The following RAPGEF6 variants were observed in gnomAD, a reference collection of about 807,000 sequenced individuals.
RAPGEF6 encodes PDZ domain containing guanine nucleotide exchange factor (GEF) 2.
RAPGEF6 carries 56 observed loss-of-function variants against 171.4 expected under a neutral mutation model. The observed-to-expected ratio is 0.33, with a 90% CI of 0.26 to 0.41. The LOEUF (loss-of-function observed/expected upper bound fraction) is 0.41, where lower values mean the gene tolerates loss of function less well. Among genes scored for constraint, RAPGEF6 ranks in the 10% least tolerant of loss-of-function variants. RAPGEF6 has a pLI of 1.00. For synonymous variants in RAPGEF6, 692 were observed against 650.1 expected, an observed-to-expected ratio of 1.06 and a Z score of -0.98; for missense variants, 1,674 against 1,921.4, an observed-to-expected ratio of 0.87 and a Z score of 2.41.
chr5:131,504,770 G>A lies in RAPGEF6; in HGVS notation c.1110C>T (p.Cys370=). 2 of 1,611,030 alleles carry A rather than the reference G, an allele frequency of 1.2e-6. No individual in the cohort carries two copies. The highest frequency in any genetic ancestry group is 8.5e-7 in the Non-Finnish European group (1 of 1,178,654). Residue 370 remains cysteine, a synonymous_variant, in exon 11 of 28, where the codon TGC becomes TGT. Transcript: ENST00000509018. ...TTCTCCAATAATCTTGCTGGGCTATGCAGACAAACTGTCCAAGAACAACAT... is the reference window on the plus strand; with the variant it reads ...TTCTCCAATAATCTTGCTGGGCTATACAGACAAACTGTCCAAGAACAACAT... ...RTKVDDCQFV[C]IAQQDYWRIL...
Position 131,455,892 on chromosome 5 carries a change from C to T in RAPGEF6, c.2985G>A (p.Lys995=), listed in dbSNP as rs1490887555. The T allele has an allele frequency of 2.5e-6, 4 of 1,613,884 alleles. No individual in the cohort carries two copies. Among genetic ancestry groups the T allele is most frequent in the Admixed American group, 3.3e-5 (2 of 60,020 alleles). Residue 995 remains lysine, a synonymous_variant, in exon 20 of 28, where the codon AAG becomes AAA. Coordinates refer to ENST00000509018, the MANE Select transcript of RAPGEF6 (RefSeq NM_016340.6). ...DIFDPSRNMA[K]YRNILSSQSM... is the part of the protein sequence containing the mutation. Reference sequence around the variant, plus strand: ...TTTGACTACTAAGAATATTTCTATACTTTGCCATGTTTCTAGATGGATCAA... The same window carrying T: ...TTTGACTACTAAGAATATTTCTATATTTTGCCATGTTTCTAGATGGATCAA...
intron 16 of RAPGEF6, among the ~76,000 whole-genome samples, chr5:131,475,326 G>C (rs1755024651): frequency 6.6e-6 from 1 of 152,116 alleles, no homozygotes; most frequent in African/African-American, 2.4e-5. Flanking sequence ...TGCAGTAACA[G>C]AAGAAAAATC....
chr5:131,518,117 C>A (rs1192562644), intron 7 of RAPGEF6, among the ~76,000 whole-genome samples: 1 of 151,850 alleles, frequency 6.6e-6, no homozygotes, highest in Non-Finnish European at 1.5e-5. Context: ...GATTTACATT[C>A]TGTATCTACA....
chr5:131,619,540 C>G lies in RAPGEF6; in HGVS notation c.70-14847G>C, dbSNP rs538291635. ...TCAATGATATGCTTAAACTTTAGGA[C>G]TTCAATAATTAACCACTGAAATTAC... On this transcript the variant is annotated intron_variant, in intron 1 of 27. Coordinates refer to ENST00000509018, the MANE Select transcript of RAPGEF6 (RefSeq NM_016340.6). 3.9e-5 allele frequency among the ~76,000 whole-genome samples: 6 copies of G among 152,248 alleles called. No homozygotes were observed. The East Asian group carries it at 1.2e-3, about 29-fold the overall frequency.
chr5:131,543,725 T>A (rs1760313515), intron 6 of RAPGEF6, among the ~76,000 whole-genome samples: 1 of 152,174 alleles, frequency 6.6e-6, no homozygotes, highest in South Asian at 2.1e-4. Flanking sequence ...AGATGGCTCA[T>A]CTAAATACTG....
chr5:131,554,814 G>A (rs1218656275), intron 5 of RAPGEF6, among the ~76,000 whole-genome samples: 1 of 152,124 alleles, frequency 6.6e-6, no homozygotes, highest in African/African-American at 2.4e-5. Flanking sequence ...ACTGTGCCTG[G>A]CCTAAGTAGG....
chr5:131,574,582 G>A (rs1199991805), intron 4 of RAPGEF6, among the ~76,000 whole-genome samples: 1 of 151,980 alleles, frequency 6.6e-6, no homozygotes, highest in African/African-American at 2.4e-5. Flanking sequence ...ATTCTTTTAT[G>A]CACTCTTTTT....
intron 8 of RAPGEF6, among the ~76,000 whole-genome samples, chr5:131,509,255 T>C (rs1362727594): frequency 6.6e-6 from 1 of 152,056 alleles, no homozygotes; most frequent in Non-Finnish European, 1.5e-5. Flanking sequence ...GTTTTAAGAG[T>C]ACACATGGTC....
At chr5:131,493,360 G>A (rs949727252) in intron 13 of RAPGEF6, among the ~76,000 whole-genome samples, 3 of 152,120 alleles carry the variant, frequency 2.0e-5, no homozygotes, top group Non-Finnish European at 2.9e-5. Context: ...CACCGCGCCC[G>A]ACCTACTTAT....
intron 11 of RAPGEF6, among the ~76,000 whole-genome samples, chr5:131,499,506 G>A (rs1301451012): frequency 1.3e-5 from 2 of 151,016 alleles, no homozygotes; most frequent in African/African-American, 4.9e-5. Context: ...GCTTGAACCC[G>A]GGAGGTGGAG....
chr5:131,589,181 G>T (rs948155763), intron 4 of RAPGEF6, among the ~76,000 whole-genome samples: 1 of 152,200 alleles, frequency 6.6e-6, no homozygotes, highest in African/African-American at 2.4e-5. Context: ...ACACAGAACA[G>T]CTGAAGTTTT....
At chr5:131,492,886 G>T in intron 13 of RAPGEF6, 101 bp from the exon 14 acceptor site, 2 of 1,161,590 alleles carry the variant, frequency 1.7e-6, no homozygotes, top group Non-Finnish European at 2.5e-6. Flanking sequence ...AAATATACAT[G>T]TATAAGCTGA....
intron 6 of RAPGEF6, among the ~76,000 whole-genome samples, chr5:131,522,608 T>C (rs1758572227): frequency 6.6e-6 from 1 of 152,164 alleles, no homozygotes; most frequent in Non-Finnish European, 1.5e-5. Context: ...GTATGTTAGA[T>C]AATTCAGACG....
intron 5 of RAPGEF6, among the ~76,000 whole-genome samples, chr5:131,554,328 A>C (rs1322719827): frequency 2.0e-5 from 3 of 152,228 alleles, no homozygotes; most frequent in Non-Finnish European, 4.4e-5. Flanking sequence ...ACATAATACA[A>C]GTGTTACTAT....
rs750733538 is a variant in RAPGEF6 at position 131,498,545 on chromosome 5, A to G, written c.1317T>C (p.Tyr439=). Reference sequence around the variant, plus strand: ...TGTAAGTTAATAGAAAATCTTCTATATAAGTTGGATCCACGATGGAATGTT... The same window carrying G: ...TGTAAGTTAATAGAAAATCTTCTATGTAAGTTGGATCCACGATGGAATGTT... The part of the protein sequence containing the change: ...IEEHSIVDPT[Y]IEDFLLTYRT... The change falls in exon 12 of 28, where the codon TAT becomes TAC. Residue 439 remains tyrosine, a synonymous_variant. Coordinates refer to ENST00000509018, the MANE Select transcript of RAPGEF6 (RefSeq NM_016340.6). 10 of 1,613,478 alleles carry G rather than the reference A, an allele frequency of 6.2e-6. No individual in the cohort carries two copies. In the African/African-American group the frequency reaches 1.3e-4, roughly 22 times the overall value.
At chr5:131,578,431 A>T (rs1316975140) in intron 4 of RAPGEF6, among the ~76,000 whole-genome samples, 3 of 152,102 alleles carry the variant, frequency 2.0e-5, no homozygotes, top group African/African-American at 7.2e-5. Flanking sequence ...AACCTCCTTT[A>T]ATAGCCCCCA....
At chr5:131,463,619 A>G (rs1340978970) in intron 18 of RAPGEF6, 1 of 706,172 alleles carries the variant, frequency 1.4e-6, no homozygotes, top group East Asian at 1.3e-4. Context: ...CAAATGTACT[A>G]CAGAAATAAT....
chr5:131,448,469 T>TA (rs1394967732), intron 21 of RAPGEF6, among the ~76,000 whole-genome samples: 1 of 152,180 alleles, frequency 6.6e-6, no homozygotes, highest in Non-Finnish European at 1.5e-5. Context: ...TAGTAGTAGA[T>TA]AAAATAACAA....
intron 20 of RAPGEF6, among the ~76,000 whole-genome samples, chr5:131,454,138 A>G (rs1237743624): frequency 6.6e-6 from 1 of 152,246 alleles, no homozygotes; most frequent in Non-Finnish European, 1.5e-5. Flanking sequence ...AGGAAAAGCA[A>G]CTTAAGTCCT....
Sources: gnomAD v4.1 joint callset for allele counts (sites outside exome capture counted in the v4.1 genomes callset) on GRCh38, gnomAD v4.1.1 for gene constraint, MANE v1.5 for transcripts, NCBI Gene and HGNC (gene_info 2026-07-23, HGNC 2026-07-21) for gene names.